The following VPS13D variants were observed in gnomAD, a reference collection of about 807,000 sequenced individuals.
VPS13D encodes vacuolar protein sorting 13 homolog D.
Under a neutral mutation model 461.9 loss-of-function variants are expected in VPS13D, and 187 were observed. That is an observed-to-expected ratio of 0.40 (90% CI 0.36 to 0.46). The LOEUF (loss-of-function observed/expected upper bound fraction) is 0.46, where lower values mean the gene tolerates loss of function less well. Ranked by LOEUF, VPS13D falls within the 20% of genes least tolerant of loss-of-function variation. The pLI, the probability that VPS13D is intolerant of heterozygous loss-of-function variation, is 0.60. For synonymous variants in VPS13D, 1,951 were observed against 1,986.3 expected (o/e 0.98, Z 0.47); for missense variants, 4,711 against 5,364.9 (o/e 0.88, Z 3.81).
At chr1:12,361,399 A>ATTTTTTT (rs1406588951) in intron 50 of VPS13D, among the ~76,000 whole-genome samples, 1 of 140,636 alleles carries the variant, frequency 7.1e-6, no homozygotes, top group Non-Finnish European at 1.5e-5. Context: ...TTATTTATTT[A>ATTTTTTT]TTTATTTTTT....
At chr1:12,434,435 T>C (rs931575466) in intron 65 of VPS13D, among the ~76,000 whole-genome samples, 77 of 152,156 alleles carry the variant, frequency 5.1e-4, no homozygotes, top group African/African-American at 1.7e-3. Context: ...GGTAGCAGCT[T>C]GGCTCTGTGG....
intron 65 of VPS13D, among the ~76,000 whole-genome samples, chr1:12,441,011 C>T (rs1273424922): frequency 1.3e-5 from 2 of 151,976 alleles, no homozygotes; most frequent in South Asian, 2.1e-4. Flanking sequence ...CTGCAACCTC[C>T]GCCTCCTGGG....
At chr1:12,380,471 C>T (rs979520615) in intron 57 of VPS13D, among the ~76,000 whole-genome samples, 2 of 152,142 alleles carry the variant, frequency 1.3e-5, no homozygotes, top group Admixed American at 6.6e-5. Flanking sequence ...TGGACAGTTT[C>T]CTCCTCAGCC....
chr1:12,295,715 T>A lies in VPS13D; in HGVS notation c.6033+2011T>A, dbSNP rs372587496. Among the ~76,000 whole-genome samples, 40 of 152,324 alleles carry A rather than the reference T, an allele frequency of 2.6e-4. 3 individuals are homozygous for A. The highest frequency in any genetic ancestry group is 2.1e-3 in the Admixed American group (32 of 15,294). ...AGATTATCTGTAGCATGTATATATG[T>A]CACAGAGTATCATAATAAGATGAAC... On this transcript the variant is annotated intron_variant, in intron 24 of 69. Transcript: ENST00000620676.
At chr1:12,459,079 C>T (rs1486240871) in intron 66 of VPS13D, among the ~76,000 whole-genome samples, 1 of 152,178 alleles carries the variant, frequency 6.6e-6, no homozygotes, top group African/African-American at 2.4e-5. Flanking sequence ...GCCAGTCACC[C>T]CCATAGTGTT....
chr1:12,244,696 C>A, intron 5 of VPS13D, 79 bp downstream of exon 5: 1 of 1,383,726 alleles, frequency 7.2e-7, no homozygotes, highest in East Asian at 2.3e-5. Context: ...CTCTTAGTTT[C>A]TCATTTCTCG....
intron 39 of VPS13D, 46 bp from the exon 40 acceptor site, chr1:12,338,185 A>C: frequency 6.6e-7 from 1 of 1,517,420 alleles, no homozygotes; most frequent in Non-Finnish European, 9.1e-7. Context: ...TTCTTATTTC[A>C]CTGTATTTAT....
intron 16 of VPS13D, among the ~76,000 whole-genome samples, chr1:12,269,664 A>G (rs1378884813): frequency 6.6e-6 from 1 of 152,260 alleles, no homozygotes; most frequent in East Asian, 1.9e-4. Context: ...TTCTCCAAGA[A>G]GATTTGAAAC....
intron 30 of VPS13D, among the ~76,000 whole-genome samples, chr1:12,317,043 T>A (rs534819020): frequency 6.9e-6 from 1 of 144,288 alleles, no homozygotes; most frequent in Admixed American, 7.0e-5. Flanking sequence ...TAGGGGACAT[T>A]TATCCCTGGT....
At position 12,277,879 on chromosome 1, in the gene VPS13D, C is replaced by T. The variant is rs72866605; in HGVS notation, c.4291C>T (p.Leu1431=). The change falls in exon 19 of 70, where the codon CTG becomes TTG. Residue 1431 remains leucine, a synonymous_variant. Coordinates refer to ENST00000620676, the MANE Select transcript of VPS13D (RefSeq NM_015378.4). ...RLQVEIKDIK[L]YSLNCTQLAG... ...GCAGGTGGAAATCAAGGACATTAAACTGTATTCTTTGAATTGCACCCAGTT... is the reference window on the plus strand; with the variant it reads ...GCAGGTGGAAATCAAGGACATTAAATTGTATTCTTTGAATTGCACCCAGTT... The T allele has an allele frequency of 1.6e-3, 2,650 of 1,614,116 alleles. 37 individuals carry two copies. The African/African-American group carries it at 0.031, about 19-fold the overall frequency.
chr1:12,487,467 C>T lies in VPS13D; in HGVS notation c.12663-10033C>T, dbSNP rs146234460. The stretch of plus-strand genomic sequence containing the variant: ...CTACTAAAAATACAAAAAAATTAGC[C>T]GGGCATGGTGCCGTATACCTGTAAT... On this transcript the variant is annotated intron_variant, in intron 67 of 69. Transcript: ENST00000620676. Among the ~76,000 whole-genome samples the T allele has an allele frequency of 5.3e-5, 8 of 152,108 alleles. No homozygotes were observed. In the East Asian group the frequency reaches 9.7e-4, roughly 18 times the overall value.
Position 12,506,919 on chromosome 1 carries a change from G to A in VPS13D, c.12861G>A (p.Leu4287=). The change falls in exon 69 of 70, where the codon CTG becomes CTA. Residue 4287 remains leucine, a synonymous_variant. Transcript: ENST00000620676. ...VLISSKAVYF[L]KSGDYVDREA... is the part of the protein sequence containing the mutation. ...TCTCCTCCAAAGCTGTTTACTTCCT[G>A]AAAAGTGGAGACTACGTGGATCGAG... The A allele has an allele frequency of 6.2e-7, 1 of 1,614,254 alleles. No homozygotes were observed. The highest frequency in any genetic ancestry group is 8.5e-7 in the Non-Finnish European group (1 of 1,180,042).
Position 12,401,604 on chromosome 1 carries a change from C to G in VPS13D, c.11785-4C>G. ...ACTTTAAATCAGAATTTCTTTATCT[C>G]TAGCATCTGATGATCACAGCTCAGA... is the stretch of plus-strand genomic sequence containing the variant. On this transcript the variant is annotated splice_region_variant and splice_polypyrimidine_tract_variant and intron_variant, in intron 61 of 69. Transcript: ENST00000620676. 1 of 1,605,866 alleles carries G rather than the reference C, an allele frequency of 6.2e-7. No individual in the cohort carries two copies. Among genetic ancestry groups the G allele is most frequent in the Non-Finnish European group, 8.5e-7 (1 of 1,173,306 alleles).
chr1:12,347,014 GT>G (rs1489372598), intron 44 of VPS13D, among the ~76,000 whole-genome samples: 1 of 152,200 alleles, frequency 6.6e-6, no homozygotes, highest in Non-Finnish European at 1.5e-5. Flanking sequence ...AAAAGTAGCA[GT>G]TTATTTCCTC....
intron 67 of VPS13D, among the ~76,000 whole-genome samples, chr1:12,463,562 G>C (rs2100424849): frequency 6.6e-6 from 1 of 152,056 alleles, no homozygotes; most frequent in Middle Eastern, 3.4e-3. Flanking sequence ...ACCAGCCTGG[G>C]CAACACAATG....
In VPS13D at chr1:12,244,527, G is replaced by A; in HGVS notation, c.367-10G>A. On this transcript the variant is annotated splice_polypyrimidine_tract_variant and intron_variant, in intron 4 of 69. Coordinates refer to ENST00000620676, the MANE Select transcript of VPS13D (RefSeq NM_015378.4). ...CTAGATTGAGCTAATGCTGACTCTT[G>A]TCTTTGTAGAATGACCGCCAGCAGA... 6.2e-7 allele frequency: 1 copy of A among 1,614,184 alleles called. No individual in the cohort carries two copies. The highest frequency in any genetic ancestry group is 8.5e-7 in the Non-Finnish European group (1 of 1,180,000).
At chr1:12,491,402 TTAAC>T (rs1645879384) in intron 67 of VPS13D, among the ~76,000 whole-genome samples, 1 of 152,230 alleles carries the variant, frequency 6.6e-6, no homozygotes, top group Non-Finnish European at 1.5e-5. Context: ...AGCATCTGTC[TTAAC>T]TAACAGACCT....
intron 27 of VPS13D, among the ~76,000 whole-genome samples, chr1:12,309,775 A>AG (rs1381805991): frequency 1.6e-4 from 25 of 151,588 alleles, no homozygotes; most frequent in African/African-American, 4.8e-4. Context: ...AAAAAAAAAA[A>AG]AAAGAAAGAA....
intron 55 of VPS13D, among the ~76,000 whole-genome samples, chr1:12,377,257 AC>A (rs1557742442): frequency 6.7e-6 from 1 of 150,278 alleles, no homozygotes. Context: ...ACGGGGTTTC[AC>A]CATGTTGGCC....
Sources: gnomAD v4.1 joint callset for allele counts (sites outside exome capture counted in the v4.1 genomes callset) on GRCh38, gnomAD v4.1.1 for gene constraint, MANE v1.5 for transcripts, NCBI Gene and HGNC (gene_info 2026-07-23, HGNC 2026-07-21) for gene names.